SLC14A2: variants seen among roughly 807,000 people sequenced by gnomAD.
SLC14A2 encodes solute carrier family 14 member 2.
SLC14A2 carries 91 observed loss-of-function variants against 104.6 expected under a neutral mutation model. That is an observed-to-expected ratio of 0.87 (90% CI 0.73 to 1.04). The LOEUF (loss-of-function observed/expected upper bound fraction) is 1.04. SLC14A2 is among the 50% of genes least tolerant of loss of function. The pLI, the probability that SLC14A2 is intolerant of heterozygous loss-of-function variation, is 0.00. For missense variants in SLC14A2, 1,189 were observed against 1,156.0 expected, an observed-to-expected ratio of 1.03 and a Z score of -0.41; for synonymous variants, 476 against 466.4, an observed-to-expected ratio of 1.02 and a Z score of -0.27.
At chr18:45,313,995 C>CCATCCGTG (rs2085103605) in intron 1 of SLC14A2, among the ~76,000 whole-genome samples, 1 of 152,136 alleles carries the variant, frequency 6.6e-6, no homozygotes, top group South Asian at 2.1e-4. Flanking sequence ...TCATGGATGC[C>CCATCCGTG]CATCCGTGCA....
At chr18:45,416,503 A>C (rs539622446) in intron 1 of SLC14A2, among the ~76,000 whole-genome samples, 1 of 152,308 alleles carries the variant, frequency 6.6e-6, no homozygotes, top group African/African-American at 2.4e-5. Flanking sequence ...TCGGAATCTG[A>C]AATTAACCAT....
At chr18:45,421,313 G>GT (rs2086345493) in intron 1 of SLC14A2, among the ~76,000 whole-genome samples, 1 of 144,564 alleles carries the variant, frequency 6.9e-6, no homozygotes, top group South Asian at 2.2e-4. Flanking sequence ...CAATCAACTT[G>GT]TTTTTTTGTC....
intron 1 of SLC14A2, among the ~76,000 whole-genome samples, chr18:45,359,299 A>G (rs2144323546): frequency 6.6e-6 from 1 of 152,274 alleles, no homozygotes; most frequent in Non-Finnish European, 1.5e-5. Flanking sequence ...AGACTGTGAA[A>G]AGAGATGGGA....
intron 1 of SLC14A2, among the ~76,000 whole-genome samples, chr18:45,313,065 G>A (rs565586506): frequency 6.6e-6 from 1 of 152,346 alleles, no homozygotes; most frequent in South Asian, 2.1e-4. Context: ...ATGCAATGCA[G>A]CTGGCTTTAT....
At chr18:45,330,651 T>G (rs1045375908) in intron 1 of SLC14A2, among the ~76,000 whole-genome samples, 2 of 152,158 alleles carry the variant, frequency 1.3e-5, no homozygotes, top group African/African-American at 4.8e-5. Context: ...CATGCAGATG[T>G]GAGGTCATGG....
intron 1 of SLC14A2, among the ~76,000 whole-genome samples, chr18:45,453,584 A>G (rs1239188722): frequency 1.3e-5 from 2 of 152,162 alleles, no homozygotes; most frequent in African/African-American, 4.8e-5. Context: ...TTCATTTATT[A>G]TAGATTTTTG....
chr18:45,504,878 T>C (rs946828029), intron 2 of SLC14A2, among the ~76,000 whole-genome samples: 1 of 152,182 alleles, frequency 6.6e-6, no homozygotes, highest in Admixed American at 6.5e-5. Context: ...ATAGCGATGA[T>C]AATAAAAATA....
Position 45,672,809 on chromosome 18 carries a change from T to G in SLC14A2, c.2230-91T>G, listed in dbSNP as rs1383196716. On this transcript the variant is annotated intron_variant, in intron 16 of 19. Transcript: ENST00000255226. ...CTGGACATCCATTGCAAAATGTTAG[T>G]GGGAAGGGTTCAGTGCCAAGTCTCT... 48 of 1,178,674 alleles carry G rather than the reference T, an allele frequency of 4.1e-5. No individual in the cohort carries two copies. The East Asian group carries it at 1.2e-3, about 29-fold the overall frequency. 73.0% of individuals were successfully genotyped at this position (1,178,674 alleles called of 1,614,324 possible). A position where few individuals can be genotyped will look rare whatever the true frequency, so the allele number is the denominator to read the frequency against.
intron 1 of SLC14A2, among the ~76,000 whole-genome samples, chr18:45,481,580 A>T (rs1429131114): frequency 1.3e-5 from 2 of 152,210 alleles, no homozygotes; most frequent in African/African-American, 4.8e-5. Flanking sequence ...TGGTGGTGGT[A>T]TCTATGTATA....
intron 1 of SLC14A2, among the ~76,000 whole-genome samples, chr18:45,301,073 T>C (rs1413289204): frequency 1.3e-5 from 2 of 152,246 alleles, no homozygotes; most frequent in African/African-American, 4.8e-5. Context: ...ATCGTCTGCC[T>C]GATGGCTGGG....
At chr18:45,623,428 G>C (rs2045208244) in intron 1 of SLC14A2, among the ~76,000 whole-genome samples, 3 of 152,202 alleles carry the variant, frequency 2.0e-5, no homozygotes. Flanking sequence ...CTGAATGACA[G>C]AGTGACCAGA....
At chr18:45,436,095 C>G (rs561373215) in intron 1 of SLC14A2, among the ~76,000 whole-genome samples, 1 of 151,976 alleles carries the variant, frequency 6.6e-6, no homozygotes, top group African/African-American at 2.4e-5. Context: ...TAACACACTT[C>G]GAGTTTTGTG....
chr18:45,579,022 T>A (rs959126887), intron 2 of SLC14A2, among the ~76,000 whole-genome samples: 1 of 152,174 alleles, frequency 6.6e-6, no homozygotes, highest in African/African-American at 2.4e-5. Flanking sequence ...CCATGTGGTC[T>A]TTCATTCTTC....
upstream of SLC14A2, among the ~76,000 whole-genome samples, chr18:45,612,501 C>T (rs1364400467): frequency 2.0e-5 from 3 of 152,226 alleles, no homozygotes; most frequent in Admixed American, 6.5e-5. Context: ...CAATTAAAAT[C>T]GCTAATGTTT....
chr18:45,537,240 G>A (rs1164780304), intron 2 of SLC14A2, among the ~76,000 whole-genome samples: 1 of 151,836 alleles, frequency 6.6e-6, no homozygotes, highest in African/African-American at 2.4e-5. Context: ...AGCAGAGATG[G>A]GCAAATAAGT....
intron 1 of SLC14A2, among the ~76,000 whole-genome samples, chr18:45,309,730 A>C (rs2085059071): frequency 6.6e-6 from 1 of 152,178 alleles, no homozygotes; most frequent in Non-Finnish European, 1.5e-5. Context: ...CAGATACATT[A>C]CAAGAGTTTG....
intron 2 of SLC14A2, among the ~76,000 whole-genome samples, chr18:45,598,190 G>A (rs1361084800): frequency 2.6e-5 from 4 of 152,176 alleles, no homozygotes; most frequent in South Asian, 2.1e-4. Flanking sequence ...AGCCAGCCCC[G>A]ACTGTTAGCG....
At chr18:45,363,676 T>TC (rs916021931) in intron 1 of SLC14A2, among the ~76,000 whole-genome samples, 1 of 152,290 alleles carries the variant, frequency 6.6e-6, no homozygotes, top group Admixed American at 6.5e-5. Context: ...ATGGAGAAAC[T>TC]CAGAGGTTTA....
At chr18:45,451,466 T>C (rs940600466) in intron 1 of SLC14A2, among the ~76,000 whole-genome samples, 2 of 152,190 alleles carry the variant, frequency 1.3e-5, no homozygotes, top group East Asian at 1.9e-4. Flanking sequence ...GAGAGTTCCA[T>C]GAAAAAGCTT....
Sources: gnomAD v4.1 joint callset for allele counts (sites outside exome capture counted in the v4.1 genomes callset) on GRCh38, gnomAD v4.1.1 for gene constraint, MANE v1.5 for transcripts, NCBI Gene and HGNC (gene_info 2026-07-23, HGNC 2026-07-21) for gene names.